The following PTGFRN variants were observed in gnomAD, a reference collection of about 807,000 sequenced individuals.
PTGFRN encodes the protein prostaglandin F2 receptor negative regulator.
A neutral mutation model predicts 83.2 loss-of-function variants in PTGFRN; 35 were observed. The ratio of observed to expected loss-of-function variants is 0.42; its 90% CI spans 0.32 to 0.56. The LOEUF is 0.56. Among genes scored for constraint, PTGFRN ranks in the 20% least tolerant of loss-of-function variants. The pLI is 0.11. For missense variants in PTGFRN, 1,051 were observed against 1,179.5 expected (o/e 0.89, Z 1.60); for synonymous variants, 519 against 498.6 (o/e 1.04, Z -0.55).
chr1:116,975,186 C>T (rs374010700), intron 7 of PTGFRN, among the ~76,000 whole-genome samples: 217 of 152,306 alleles, frequency 1.4e-3, no homozygotes, highest in African/African-American at 4.4e-3. Flanking sequence ...GAGGGGCACC[C>T]GCCATTGCTG....
At chr1:116,927,402 T>C (rs964329865) in intron 1 of PTGFRN, among the ~76,000 whole-genome samples, 1 of 152,198 alleles carries the variant, frequency 6.6e-6, no homozygotes, top group Admixed American at 6.5e-5. Context: ...GTCATAGTTA[T>C]ATGATCTAGT....
intron 4 of PTGFRN, among the ~76,000 whole-genome samples, chr1:116,950,647 T>C (rs1289527174): frequency 6.6e-6 from 1 of 152,176 alleles, no homozygotes; most frequent in Non-Finnish European, 1.5e-5. Flanking sequence ...CTCTCCTTTT[T>C]TTTTTCCTCC....
intron 4 of PTGFRN, among the ~76,000 whole-genome samples, chr1:116,959,312 C>T (rs1650580245): frequency 6.6e-6 from 1 of 152,212 alleles, no homozygotes; most frequent in Non-Finnish European, 1.5e-5. Context: ...GGCAGTCCCA[C>T]AGCCTGTGGA....
chr1:116,955,354 A>G (rs970827186), intron 4 of PTGFRN, among the ~76,000 whole-genome samples: 2 of 152,226 alleles, frequency 1.3e-5, no homozygotes, highest in Non-Finnish European at 2.9e-5. Flanking sequence ...AACTTTTAAA[A>G]ATAGAAATTT....
chr1:116,939,430 C>T (rs1225934671), intron 1 of PTGFRN, among the ~76,000 whole-genome samples: 1 of 152,260 alleles, frequency 6.6e-6, no homozygotes, highest in African/African-American at 2.4e-5. Flanking sequence ...GGGGCTTGCA[C>T]CCTCTGAAGC....
chr1:116,931,397 C>T (rs914781635), intron 1 of PTGFRN, among the ~76,000 whole-genome samples: 1 of 152,132 alleles, frequency 6.6e-6, no homozygotes, highest in Non-Finnish European at 1.5e-5. Context: ...CACTTATCAC[C>T]TAGCACAGGG....
intron 3 of PTGFRN, among the ~76,000 whole-genome samples, chr1:116,947,650 G>A (rs959381449): frequency 3.9e-5 from 6 of 152,134 alleles, no homozygotes; most frequent in Admixed American, 3.9e-4. Context: ...TCACTGACCC[G>A]ACTCCCTCCT....
At chr1:116,911,184 T>A (rs1385098473) in intron 1 of PTGFRN, among the ~76,000 whole-genome samples, 1 of 152,206 alleles carries the variant, frequency 6.6e-6, no homozygotes, top group African/African-American at 2.4e-5. Context: ...GACTCTTAAA[T>A]GTTTTGATAT....
At chr1:116,969,244 C>T (rs1419824903) in intron 6 of PTGFRN, among the ~76,000 whole-genome samples, 1 of 151,792 alleles carries the variant, frequency 6.6e-6, no homozygotes, top group Non-Finnish European at 1.5e-5. Context: ...TTAGGTCTTA[C>T]ATTTTAGGCT....
rs973368171 is a variant in PTGFRN at position 116,909,980 on chromosome 1, C to T, written c.-224C>T. On this transcript the variant is annotated 5_prime_UTR_variant, in exon 1 of 9. Transcript: ENST00000393203. ...GATCGGCGGGGCCGGCTCCCGGGCC[C>T]GGCCGGCTGGAGGAGGGAGGGAAGG... The T allele has an allele frequency of 6.9e-6, 4 of 583,262 alleles. No homozygotes were observed. The East Asian group carries it at 1.0e-4, about 15-fold the overall frequency. The allele number at this position is 583,262 out of a possible 1,614,324, so 36.1% of individuals were successfully genotyped here. A position where few individuals can be genotyped will look rare whatever the true frequency, so the allele number is the denominator to read the frequency against.
chr1:116,971,819 G>T (rs996905597), intron 6 of PTGFRN, among the ~76,000 whole-genome samples: 1 of 152,146 alleles, frequency 6.6e-6, no homozygotes, highest in Non-Finnish European at 1.5e-5. Context: ...AAATTTGTTC[G>T]AATTAAGTAA....
chr1:116,934,630 G>A (rs2246325), intron 1 of PTGFRN, among the ~76,000 whole-genome samples: 22,213 of 151,720 alleles, frequency 0.15, 2,806 homozygotes, highest in African/African-American at 0.34. Context: ...TTTACAATCT[G>A]TGTCTGATAA....
At position 116,910,264 on chromosome 1, in the gene PTGFRN, CGGGGCTCAGCG is replaced by C. The variant is rs1250075763; in HGVS notation, c.49+16_49+26del. The stretch of plus-strand genomic sequence containing the variant: ...GCTCCTGTCGTTGGGTGAGTGTGCG[CGGGGCTCAGCG>C]GGGCACACGGGGACTGGCGAGGCCC... On this transcript the variant is annotated intron_variant, in intron 1 of 8. Transcript: ENST00000393203. The C allele has an allele frequency of 7.1e-7, 1 of 1,409,514 alleles. No individual in the cohort carries two copies. Among genetic ancestry groups the C allele is most frequent in the Non-Finnish European group, 9.2e-7 (1 of 1,089,516 alleles). The allele number at this position is 1,409,514 out of a possible 1,614,324, so 87.3% of individuals were successfully genotyped here.
chr1:116,930,467 T>C (rs1002683168), intron 1 of PTGFRN, among the ~76,000 whole-genome samples: 21 of 152,340 alleles, frequency 1.4e-4, no homozygotes, highest in African/African-American at 5.0e-4. Context: ...CCTCCGTGCA[T>C]GTGACTCCAC....
chr1:116,989,535 C>T lies in PTGFRN; in HGVS notation c.*2568C>T, dbSNP rs1360849204. The T allele has an allele frequency of 2.6e-5, 4 of 152,654 alleles. No homozygotes were observed. Among genetic ancestry groups the T allele is most frequent in the East Asian group, 1.9e-4 (1 of 5,182 alleles). The allele number at this position is 152,654 out of a possible 1,614,324, so 9.5% of individuals were successfully genotyped here. A position where few individuals can be genotyped will look rare whatever the true frequency, so the allele number is the denominator to read the frequency against. ...TGTGAATGAAAGAGAGACCCAGCCG[C>T]GTCTCACACAGGTGGAATTGCACTT... On this transcript the variant is annotated 3_prime_UTR_variant, in exon 9 of 9. Transcript: ENST00000393203.
At chr1:116,935,591 C>A (rs1445412768) in intron 1 of PTGFRN, among the ~76,000 whole-genome samples, 1 of 152,148 alleles carries the variant, frequency 6.6e-6, no homozygotes, top group Non-Finnish European at 1.5e-5. Flanking sequence ...GAAATTTAAA[C>A]TCTGCTTACC....
At chr1:116,930,527 G>A (rs1021251315) in intron 1 of PTGFRN, among the ~76,000 whole-genome samples, 4 of 152,204 alleles carry the variant, frequency 2.6e-5, no homozygotes, top group Non-Finnish European at 2.9e-5. Context: ...CCAACTGTCC[G>A]GTGGACATTT....
chr1:116,980,958 T>A (rs1344473957), intron 7 of PTGFRN, among the ~76,000 whole-genome samples: 1 of 152,246 alleles, frequency 6.6e-6, no homozygotes, highest in Non-Finnish European at 1.5e-5. Flanking sequence ...CAATTAATGC[T>A]ATGAAGACAT....
At chr1:116,914,856 TC>T (rs140228221) in intron 1 of PTGFRN, among the ~76,000 whole-genome samples, 27,141 of 152,042 alleles carry the variant, frequency 0.18, 3,135 homozygotes, top group Non-Finnish European at 0.25. Context: ...TGTTTTTTTT[TC>T]CTCATAGCTT....
Sources: allele counts gnomAD v4.1 joint callset (sites outside exome capture counted in the v4.1 genomes callset), GRCh38; gene constraint gnomAD v4.1.1; transcripts MANE v1.5; gene names NCBI Gene and HGNC (gene_info 2026-07-23, HGNC 2026-07-21).